The following CSMD1 variants were observed in gnomAD, a reference collection of about 807,000 sequenced individuals.
CSMD1 encodes the protein CUB and Sushi multiple domains 1.
Under a neutral mutation model 417.5 loss-of-function variants are expected in CSMD1, and 213 were observed. That is an observed-to-expected ratio of 0.51 (90% CI 0.46 to 0.57). The LOEUF (loss-of-function observed/expected upper bound fraction) is 0.57. Among genes scored for constraint, CSMD1 ranks in the 20% least tolerant of loss-of-function variants. The pLI is 0.00. For missense variants in CSMD1, 6,923 were observed against 4,529.7 expected, an observed-to-expected ratio of 1.53 and a Z score of -15.17; for synonymous variants, 2,862 against 1,736.8, an observed-to-expected ratio of 1.65 and a Z score of -16.11.
chr8:3,765,687 C>A (rs547774252), intron 5 of CSMD1, among the ~76,000 whole-genome samples: 1 of 152,344 alleles, frequency 6.6e-6, no homozygotes, highest in African/African-American at 2.4e-5. Flanking sequence ...CTTGTCCTCT[C>A]ATGCCCAGTG....
chr8:3,888,362 G>A (rs1210517806), intron 5 of CSMD1, among the ~76,000 whole-genome samples: 1 of 152,170 alleles, frequency 6.6e-6, no homozygotes, highest in African/African-American at 2.4e-5. Flanking sequence ...TCAGTCAGAT[G>A]AGCTCTAAAC....
intron 7 of CSMD1, among the ~76,000 whole-genome samples, chr8:3,672,387 C>T (rs931796750): frequency 6.6e-5 from 10 of 152,134 alleles, no homozygotes; most frequent in Admixed American, 6.5e-4. Flanking sequence ...CTCTTGCATT[C>T]TCAACCACAG....
rs1811652379 is a variant in CSMD1, at chr8:4,994,490, T to A, written c.-74A>T. On this transcript the variant is annotated 5_prime_UTR_variant, in exon 1 of 70. Coordinates refer to ENST00000635120, the MANE Select transcript of CSMD1 (RefSeq NM_033225.6). ...AGGCAGGGCTATGAGCGGAGCCAAA[T>A]AATCACCCGAGGGCAAGGCGAGCCG... 1 of 1,375,626 alleles carries A rather than the reference T, an allele frequency of 7.3e-7. No individual in the cohort carries two copies. Among genetic ancestry groups the A allele is most frequent in the Non-Finnish European group, 1.0e-6 (1 of 985,272 alleles). 85.2% of individuals were successfully genotyped at this position (1,375,626 alleles called of 1,614,324 possible).
intron 7 of CSMD1, among the ~76,000 whole-genome samples, chr8:3,624,240 G>A (rs770435223): frequency 1.3e-5 from 2 of 152,066 alleles, no homozygotes; most frequent in African/African-American, 2.4e-5. Context: ...TTTCAACCAC[G>A]AGTCTTTAGT....
chr8:2,943,807 T>C (rs1802046134), intron 68 of CSMD1, among the ~76,000 whole-genome samples: 1 of 152,230 alleles, frequency 6.6e-6, no homozygotes, highest in African/African-American at 2.4e-5. Flanking sequence ...ATTGGCGTCA[T>C]CTCAATATAG....
intron 3 of CSMD1, among the ~76,000 whole-genome samples, chr8:4,224,659 T>G (rs923044799): frequency 6.6e-6 from 1 of 152,220 alleles, no homozygotes; most frequent in African/African-American, 2.4e-5. Flanking sequence ...GATAAGTGGA[T>G]AGAATTCCCC....
chr8:3,816,172 C>A (rs981165369), intron 5 of CSMD1, among the ~76,000 whole-genome samples: 1 of 152,140 alleles, frequency 6.6e-6, no homozygotes, highest in African/African-American at 2.4e-5. Context: ...AAAAACCTTC[C>A]CTCTGTGCTC....
chr8:4,316,642 G>A (rs911943174), intron 3 of CSMD1, among the ~76,000 whole-genome samples: 1 of 152,012 alleles, frequency 6.6e-6, no homozygotes, highest in African/African-American at 2.4e-5. Context: ...ACGACAATGG[G>A]GTACACTGTG....
intron 3 of CSMD1, among the ~76,000 whole-genome samples, chr8:4,301,341 C>T (rs1024349012): frequency 6.6e-6 from 1 of 152,216 alleles, no homozygotes; most frequent in Non-Finnish European, 1.5e-5. Flanking sequence ...AACTGTTATG[C>T]TTTTGCTTTG....
chr8:4,529,493 T>A (rs1282496917), intron 2 of CSMD1, among the ~76,000 whole-genome samples: 1 of 152,218 alleles, frequency 6.6e-6, no homozygotes, highest in East Asian at 1.9e-4. Context: ...TTATAACTAT[T>A]ATTTAATTAT....
At chr8:3,888,773 C>A (rs774480845) in intron 5 of CSMD1, among the ~76,000 whole-genome samples, 1 of 152,108 alleles carries the variant, frequency 6.6e-6, no homozygotes, top group Admixed American at 6.6e-5. Flanking sequence ...AATGGTCCTT[C>A]CATTTGGGTC....
At chr8:3,498,281 G>T (rs1443369222) in intron 10 of CSMD1, among the ~76,000 whole-genome samples, 1 of 152,144 alleles carries the variant, frequency 6.6e-6, no homozygotes, top group Non-Finnish European at 1.5e-5. Context: ...CTATATCAAG[G>T]TGTGGATATT....
chr8:4,551,704 G>C (rs1248562932), intron 2 of CSMD1, among the ~76,000 whole-genome samples: 1 of 151,952 alleles, frequency 6.6e-6, no homozygotes, highest in Admixed American at 6.6e-5. Context: ...ACAGGGTCTT[G>C]CTCTATCTCC....
intron 3 of CSMD1, among the ~76,000 whole-genome samples, chr8:4,051,388 T>C (rs1035090309): frequency 4.0e-5 from 6 of 151,816 alleles, no homozygotes; most frequent in Non-Finnish European, 7.4e-5. Context: ...GGAGGGCTGA[T>C]CCAACCCAGT....
intron 3 of CSMD1, among the ~76,000 whole-genome samples, chr8:4,083,260 A>G (rs1800236949): frequency 6.6e-6 from 1 of 152,128 alleles, no homozygotes; most frequent in East Asian, 1.9e-4. Context: ...ATTTCTCCAC[A>G]ACCTCTCCAG....
chr8:4,412,063 T>C (rs189141549), intron 3 of CSMD1, among the ~76,000 whole-genome samples: 40 of 152,044 alleles, frequency 2.6e-4, no homozygotes, highest in Admixed American at 1.3e-3. Context: ...GCCTCTGATA[T>C]AGTTCAGATA....
intron 1 of CSMD1, among the ~76,000 whole-genome samples, chr8:4,911,982 C>G (rs1445277403): frequency 6.6e-6 from 1 of 151,432 alleles, no homozygotes; most frequent in African/African-American, 2.4e-5. Context: ...ATAATTTCTC[C>G]ACAAGAAGTA....
At chr8:4,761,986 C>A (rs537846859) in intron 1 of CSMD1, among the ~76,000 whole-genome samples, 1 of 150,946 alleles carries the variant, frequency 6.6e-6, no homozygotes, top group African/African-American at 2.4e-5. Context: ...GGAAAAGCAA[C>A]CAAAATTAAC....
At chr8:3,839,453 T>C (rs1184827703) in intron 5 of CSMD1, among the ~76,000 whole-genome samples, 1 of 125,448 alleles carries the variant, frequency 8.0e-6, no homozygotes, top group African/African-American at 3.0e-5. Flanking sequence ...TATTATAATA[T>C]AATATATTAT....
Sources: gnomAD v4.1 joint callset for allele counts (sites outside exome capture counted in the v4.1 genomes callset) on GRCh38, gnomAD v4.1.1 for gene constraint, MANE v1.5 for transcripts, NCBI Gene and HGNC (gene_info 2026-07-23, HGNC 2026-07-21) for gene names.